Variants in SYNRG observed in about 807,000 individuals in gnomAD.
SYNRG encodes synergin gamma, also known as AP1 gamma subunit binding protein 1.
A neutral mutation model predicts 130.9 loss-of-function variants in SYNRG; 37 were observed. The ratio of observed to expected loss-of-function variants is 0.28; its 90% CI spans 0.22 to 0.37. The LOEUF (loss-of-function observed/expected upper bound fraction) is 0.37. SYNRG is among the 10% of genes least tolerant of loss of function. The pLI is 1.00. For synonymous variants in SYNRG, 539 were observed against 568.1 expected, an observed-to-expected ratio of 0.95 and a Z score of 0.73; for missense variants, 1,338 against 1,588.9, an observed-to-expected ratio of 0.84 and a Z score of 2.68.
chr17:37,532,263 T>C (rs991176475), intron 19 of SYNRG, among the ~76,000 whole-genome samples: 3 of 152,250 alleles, frequency 2.0e-5, no homozygotes, highest in Non-Finnish European at 2.9e-5. Context: ...GGAGAAAGCA[T>C]GGTGCCAAAC....
rs755692621 is a variant in SYNRG, at chr17:37,585,319, T to G, written c.477+6A>C. The G allele has an allele frequency of 6.2e-7, 1 of 1,609,244 alleles. No homozygotes were observed. Among genetic ancestry groups the G allele is most frequent in the Non-Finnish European group, 8.5e-7 (1 of 1,177,692 alleles). On this transcript the variant is annotated splice_donor_region_variant and intron_variant, in intron 5 of 21. Transcript: ENST00000612223. Reference sequence around the variant, plus strand: ...TTCTGGGTGAAGAGAAGTATTGAAATACTACCTTGGGTTTCACACTGCTCA... The same window carrying G: ...TTCTGGGTGAAGAGAAGTATTGAAAGACTACCTTGGGTTTCACACTGCTCA...
chr17:37,577,739 C>T (rs28641666), intron 6 of SYNRG, 126 bp from the exon 7 acceptor site: 3 of 740,274 alleles, frequency 4.1e-6, no homozygotes, highest in Admixed American at 2.9e-5. Flanking sequence ...CACTCTGTCA[C>T]CCAGGCTGTA....
intron 19 of SYNRG, among the ~76,000 whole-genome samples, chr17:37,533,716 T>C (rs1001875413): frequency 1.3e-5 from 2 of 150,174 alleles, no homozygotes; most frequent in Admixed American, 1.3e-4. Context: ...GCCTCCCAAG[T>C]AGCTGGGATT....
At chr17:37,533,926 CTTTTTT>C (rs765621244) in intron 19 of SYNRG, among the ~76,000 whole-genome samples, 117 of 57,786 alleles carry the variant, frequency 2.0e-3, no homozygotes, top group Middle Eastern at 0.021. Context: ...ATTTTCTTTT[CTTTTTT>C]TTTTTTTTTT....
rs1270109673 is a variant in SYNRG, at chr17:37,518,936, T to C, written c.*4A>G. ...AAAAAGTCAATGCTTCACAGAGGAG[T>C]TGTTCAGAGCAGGTCAGGCAGGACG... is the stretch of plus-strand genomic sequence containing the variant. On this transcript the variant is annotated 3_prime_UTR_variant, in exon 22 of 22. Coordinates refer to ENST00000612223, the MANE Select transcript of SYNRG (RefSeq NM_007247.6). 6.3e-7 allele frequency: 1 copy of C among 1,592,664 alleles called. No individual in the cohort carries two copies. Among genetic ancestry groups the C allele is most frequent in the South Asian group, 1.2e-5 (1 of 86,816 alleles).
At chr17:37,525,888 C>G (rs536576868) in intron 19 of SYNRG, among the ~76,000 whole-genome samples, 1 of 152,336 alleles carries the variant, frequency 6.6e-6, no homozygotes, top group East Asian at 1.9e-4. Flanking sequence ...ATTGCTTGAA[C>G]CCAGGAGGTG....
At chr17:37,590,280 CATCT>C (rs1309745725) in intron 3 of SYNRG, among the ~76,000 whole-genome samples, 1 of 151,790 alleles carries the variant, frequency 6.6e-6, no homozygotes, top group Admixed American at 6.6e-5. Context: ...ATGATTTATC[CATCT>C]GTCTTAATTT....
chr17:37,577,412 G>T lies in SYNRG; in HGVS notation c.791C>A (p.Thr264Asn). Reference sequence around the variant, plus strand: ...TTCAATTGACAGGTTTTGATCTGAAGTATTTTCTGCCTCTGCAGTGGTGGT... The same window carrying T: ...TTCAATTGACAGGTTTTGATCTGAATTATTTTCTGCCTCTGCAGTGGTGGT... ...SGTTTAEAEN[T>N]SDQNLSIEES... The change falls in exon 7 of 22, where the codon ACT (threonine) becomes AAT (asparagine). Residue 264 changes from threonine (T) to asparagine (N), a missense_variant. Thr to Asn is a moderately conservative substitution (Grantham distance 65, BLOSUM62 0). Coordinates refer to ENST00000612223, the MANE Select transcript of SYNRG (RefSeq NM_007247.6). 1.2e-6 allele frequency: 2 copies of T among 1,614,202 alleles called. No individual in the cohort carries two copies. The highest frequency in any genetic ancestry group is 1.7e-6 in the Non-Finnish European group (2 of 1,180,048).
At chr17:37,601,150 C>T (rs963411285) in intron 1 of SYNRG, among the ~76,000 whole-genome samples, 1 of 152,104 alleles carries the variant, frequency 6.6e-6, no homozygotes, top group South Asian at 2.1e-4. Context: ...TCACTGCAGC[C>T]TCCACCTCCT....
In SYNRG at chr17:37,576,425, G is replaced by A; in HGVS notation, c.824-7C>T. On this transcript the variant is annotated splice_region_variant and splice_polypyrimidine_tract_variant and intron_variant, in intron 7 of 21. Coordinates refer to ENST00000612223, the MANE Select transcript of SYNRG (RefSeq NM_007247.6). ...GAGGGAAATACTCCCACACCTAGAA[G>A]GTAAGAAACATTAATGTATATAGTG... 1.2e-6 allele frequency: 2 copies of A among 1,612,950 alleles called. No individual in the cohort carries two copies. Among genetic ancestry groups the A allele is most frequent in the South Asian group, 1.1e-5 (1 of 90,968 alleles).
rs2054531064 is a variant in SYNRG, at chr17:37,517,680, TAA to T, written c.*1258_*1259del. The T allele has an allele frequency of 6.6e-6, 1 of 152,038 alleles. No individual in the cohort carries two copies. The highest frequency in any genetic ancestry group is 6.6e-5 in the Admixed American group (1 of 15,252). The allele number at this position is 152,038 out of a possible 1,614,324, so 9.4% of individuals were successfully genotyped here. ...AAGACCAACTTTTTCAGTTTAAAAA[TAA>T]AAGTCTAGGTCAGAGGGTCTAAACC... On this transcript the variant is annotated 3_prime_UTR_variant, in exon 22 of 22. Transcript: ENST00000612223.
chr17:37,543,040 A>C (rs893614300), intron 14 of SYNRG, among the ~76,000 whole-genome samples: 4 of 152,252 alleles, frequency 2.6e-5, no homozygotes, highest in Non-Finnish European at 5.9e-5. Context: ...AACTAAAATG[A>C]AAATAATGTC....
At chr17:37,541,906 T>TA (rs1042063802) in intron 15 of SYNRG, 66 bp downstream of exon 15, 27 of 1,421,184 alleles carry the variant, frequency 1.9e-5, no homozygotes, top group Non-Finnish European at 2.5e-5. Context: ...ATTTTATTCT[T>TA]AAGAACATCT....
intron 13 of SYNRG, among the ~76,000 whole-genome samples, chr17:37,560,030 T>G (rs1041739271): frequency 2.6e-5 from 4 of 152,132 alleles, no homozygotes; most frequent in Non-Finnish European, 5.9e-5. Flanking sequence ...CTGGAATAGC[T>G]GGGGCCACAG....
chr17:37,554,592 C>T (rs1429192472), intron 13 of SYNRG, among the ~76,000 whole-genome samples: 2 of 152,134 alleles, frequency 1.3e-5, no homozygotes, highest in Non-Finnish European at 2.9e-5. Flanking sequence ...ACATTAGATA[C>T]TATGTGGTCT....
chr17:37,573,396 G>A (rs181863764), intron 8 of SYNRG, among the ~76,000 whole-genome samples: 195 of 152,054 alleles, frequency 1.3e-3, no homozygotes, highest in African/African-American at 4.2e-3. Flanking sequence ...GACTGGTTCC[G>A]TCTCAAAAAC....
intron 13 of SYNRG, among the ~76,000 whole-genome samples, chr17:37,556,398 C>A (rs1248989852): frequency 6.6e-6 from 1 of 151,800 alleles, no homozygotes; most frequent in Non-Finnish European, 1.5e-5. Context: ...TTGCAGTGAG[C>A]CGAGATTGTG....
At chr17:37,520,716 A>C in intron 19 of SYNRG, 68 bp from the exon 20 acceptor site, 1 of 1,312,986 alleles carries the variant, frequency 7.6e-7, no homozygotes. Flanking sequence ...TCACTCCCTC[A>C]TCACTCACCC....
At chr17:37,541,618 TAA>T (rs746757098) in intron 15 of SYNRG, 4 of 256,954 alleles carry the variant, frequency 1.6e-5, no homozygotes, top group Non-Finnish European at 2.2e-5. Flanking sequence ...ACCTTTGGAT[TAA>T]AAGACATTAT....
Sources: gnomAD v4.1 joint callset for allele counts (sites outside exome capture counted in the v4.1 genomes callset) on GRCh38, gnomAD v4.1.1 for gene constraint, MANE v1.5 for transcripts, NCBI Gene and HGNC (gene_info 2026-07-23, HGNC 2026-07-21) for gene names.